The following SYN2 variants were observed in gnomAD, a reference collection of about 807,000 sequenced individuals.
The protein encoded by SYN2 is synapsin-2.
SYN2 carries 19 observed loss-of-function variants against 50.9 expected under a neutral mutation model. The ratio of observed to expected loss-of-function variants is 0.37; its 90% CI spans 0.26 to 0.55. SYN2 has a LOEUF of 0.55. Among genes scored for constraint, SYN2 ranks in the 20% least tolerant of loss-of-function variants. SYN2 has a pLI of 0.81. For synonymous variants in SYN2, 255 were observed against 224.9 expected (o/e 1.13, Z -1.20); for missense variants, 587 against 576.4 (o/e 1.02, Z -0.19).
At chr3:12,014,072 A>C (rs765613454) in intron 1 of SYN2, among the ~76,000 whole-genome samples, 2 of 152,070 alleles carry the variant, frequency 1.3e-5, no homozygotes, top group East Asian at 3.9e-4. Flanking sequence ...TGCCCCCTCC[A>C]TGCCCTCTTT....
rs145584665 is a variant in SYN2 at position 12,144,505 on chromosome 3, G to A, written c.528-1174G>A. ...AGCCAAGTACTGTCTGTTGTCTTCA[G>A]TTTTCCAGGACTTGCTTTGAGCTCC... On this transcript the variant is annotated intron_variant, in intron 3 of 12. Coordinates refer to ENST00000621198, the MANE Select transcript of SYN2 (RefSeq NM_133625.6). 1.1e-3 allele frequency among the ~76,000 whole-genome samples: 161 copies of A among 152,296 alleles called. 1 individual carries two copies. Among genetic ancestry groups the A allele is most frequent in the African/African-American group, 3.8e-3 (156 of 41,574 alleles).
chr3:12,178,613 A>C, intron 10 of SYN2, among the ~76,000 whole-genome samples: 1 of 152,214 alleles, frequency 6.6e-6, no homozygotes, highest in Non-Finnish European at 1.5e-5. Context: ...CTGCACATGA[A>C]ACTGCTATGC....
At chr3:12,058,341 T>C (rs1695040093) in intron 1 of SYN2, among the ~76,000 whole-genome samples, 1 of 152,234 alleles carries the variant, frequency 6.6e-6, no homozygotes, top group African/African-American at 2.4e-5. Flanking sequence ...TATGCTATTA[T>C]GCTGTGTGTA....
chr3:12,071,618 A>G, intron 1 of SYN2: 2 of 328,494 alleles, frequency 6.1e-6, no homozygotes, highest in South Asian at 5.2e-5. Context: ...ATTTCTTAGT[A>G]CAAGTGGCTT....
intron 5 of SYN2, chr3:12,153,369 G>T: frequency 1.1e-6 from 1 of 946,280 alleles, no homozygotes; most frequent in Non-Finnish European, 1.7e-6. Context: ...CCCCTTCCCT[G>T]CCTTGACAGT....
chr3:12,145,648 A>G, intron 3 of SYN2, 31 bp from the exon 4 acceptor site: 1 of 1,610,116 alleles, frequency 6.2e-7, no homozygotes, highest in South Asian at 1.1e-5. Flanking sequence ...AGTGCTGGTT[A>G]ATGGCAAACC....
chr3:12,036,206 T>C (rs1332591503), intron 1 of SYN2, among the ~76,000 whole-genome samples: 1 of 152,026 alleles, frequency 6.6e-6, no homozygotes, highest in African/African-American at 2.4e-5. Context: ...TAGTGGAGAC[T>C]CTCTGTGGTG....
At chr3:12,085,850 A>G (rs1574931903) in intron 1 of SYN2, among the ~76,000 whole-genome samples, 2 of 152,290 alleles carry the variant, frequency 1.3e-5, no homozygotes, top group East Asian at 1.9e-4. Flanking sequence ...AACTAGAAAA[A>G]GAACAGAGTA....
At position 12,183,313 on chromosome 3, in the gene SYN2, G is replaced by A. The variant is rs1270236935; in HGVS notation, c.1310G>A (p.Ser437Asn). 2 of 1,607,812 alleles carry A rather than the reference G, an allele frequency of 1.2e-6. No homozygotes were observed. Among genetic ancestry groups the A allele is most frequent in the East Asian group, 4.5e-5 (2 of 44,838 alleles). ...ATCTCTTACATTTTTGTCTTCCAGA[G>A]CGGAACACTTAAGGATCCGGACTCA... is the stretch of plus-strand genomic sequence containing the variant. ...QRPLTTQQPQSGTLKDPDSSK... is the reference protein window; with the variant it reads ...QRPLTTQQPQNGTLKDPDSSK... Residue 437 changes from serine (S) to asparagine (N), a missense_variant and splice_region_variant, in exon 11 of 13, where the codon AGC (serine) becomes AAC (asparagine). Coordinates refer to ENST00000621198, the MANE Select transcript of SYN2 (RefSeq NM_133625.6).
chr3:12,190,464 C>T, intron 12 of SYN2, 26 bp from the exon 13 acceptor site: 3 of 1,613,384 alleles, frequency 1.9e-6, no homozygotes, highest in Non-Finnish European at 2.5e-6. Flanking sequence ...CACCCTCTCA[C>T]ATTCTCTCTG....
intron 1 of SYN2, among the ~76,000 whole-genome samples, chr3:12,022,629 C>T (rs1007478522): frequency 7.2e-5 from 11 of 151,840 alleles, no homozygotes; most frequent in African/African-American, 1.7e-4. Flanking sequence ...AAGATGGTCT[C>T]GATCTCTTGA....
In SYN2 at chr3:12,145,520, A is replaced by G. The variant is rs187082839; in HGVS notation, c.528-159A>G. Among the ~76,000 whole-genome samples the G allele has an allele frequency of 1.8e-4, 27 of 152,358 alleles. 1 individual carries two copies. In the East Asian group the frequency reaches 4.8e-3, roughly 27 times the overall value. On this transcript the variant is annotated intron_variant, in intron 3 of 12. Coordinates refer to ENST00000621198, the MANE Select transcript of SYN2 (RefSeq NM_133625.6). ...CACTGCACTTCAGCCTGGGCAACAGAGTAAGACCTGTCTCTAAAATAACAA... is the reference window on the plus strand; with the variant it reads ...CACTGCACTTCAGCCTGGGCAACAGGGTAAGACCTGTCTCTAAAATAACAA...
At chr3:12,177,893 C>G (rs1303669076) in intron 10 of SYN2, among the ~76,000 whole-genome samples, 1 of 152,192 alleles carries the variant, frequency 6.6e-6, no homozygotes, top group African/African-American at 2.4e-5. Context: ...TGGGAGGGCC[C>G]CACTCCAGGA....
intron 3 of SYN2, among the ~76,000 whole-genome samples, chr3:12,142,859 A>G (rs1031795551): frequency 2.6e-5 from 4 of 152,184 alleles, no homozygotes; most frequent in African/African-American, 9.7e-5. Flanking sequence ...GTCCAACAGG[A>G]ACTGGATTGG....
At chr3:12,007,246 C>T (rs1229775038) in intron 1 of SYN2, among the ~76,000 whole-genome samples, 1 of 152,158 alleles carries the variant, frequency 6.6e-6, no homozygotes, top group Non-Finnish European at 1.5e-5. Flanking sequence ...TGGGCTGACT[C>T]CCAACTGTTT....
intron 5 of SYN2, among the ~76,000 whole-genome samples, chr3:12,159,735 G>A (rs994954068): frequency 4.6e-5 from 7 of 152,136 alleles, no homozygotes; most frequent in Admixed American, 4.6e-4. Flanking sequence ...TCTAGAAGGT[G>A]GGACAGCTTA....
chr3:12,176,142 C>T (rs1182795113), intron 10 of SYN2, among the ~76,000 whole-genome samples: 2 of 152,156 alleles, frequency 1.3e-5, no homozygotes, highest in African/African-American at 2.4e-5. Context: ...CATTCACTGA[C>T]TTTAGGGGTC....
intron 5 of SYN2, among the ~76,000 whole-genome samples, chr3:12,151,709 G>A (rs1202738974): frequency 6.6e-6 from 1 of 152,184 alleles, no homozygotes; most frequent in Admixed American, 6.5e-5. Context: ...TCCCTGCACA[G>A]GATATTCTAA....
chr3:12,179,558 A>G (rs982821284), intron 10 of SYN2, among the ~76,000 whole-genome samples: 2 of 152,042 alleles, frequency 1.3e-5, no homozygotes, highest in African/African-American at 4.8e-5. Flanking sequence ...GACACTATTC[A>G]GATTTATATT....
Sources: gnomAD v4.1 joint callset for allele counts (sites outside exome capture counted in the v4.1 genomes callset) on GRCh38, gnomAD v4.1.1 for gene constraint, MANE v1.5 for transcripts, NCBI Gene and HGNC (gene_info 2026-07-23, HGNC 2026-07-21) for gene names.